CCT3: variants seen among roughly 807,000 people sequenced by gnomAD.
CCT3 encodes the protein chaperonin containing TCP1 subunit 3, also known as T-complex protein 1 subunit gamma.
CCT3 carries 10 observed loss-of-function variants against 65.3 expected under a neutral mutation model. That is an observed-to-expected ratio of 0.15 (90% CI 0.09 to 0.26). The LOEUF (loss-of-function observed/expected upper bound fraction) is 0.26. Among genes scored for constraint, CCT3 ranks in the 10% least tolerant of loss-of-function variants. CCT3 has a pLI of 1.00. For synonymous variants in CCT3, 225 were observed against 242.3 expected (o/e 0.93, Z 0.66); for missense variants, 626 against 708.7 (o/e 0.88, Z 1.33).
chr1:156,312,711 A>AC (rs1664135356), intron 10 of CCT3, among the ~76,000 whole-genome samples: 1 of 152,168 alleles, frequency 6.6e-6, no homozygotes, highest in African/African-American at 2.4e-5. Context: ...AACTGAAGCC[A>AC]TCATTGCAGT....
chr1:156,310,780 G>A, intron 12 of CCT3, 91 bp from the exon 13 acceptor site: 3 of 1,486,974 alleles, frequency 2.0e-6, no homozygotes, highest in Non-Finnish European at 2.8e-6. Flanking sequence ...CAGTATGGAA[G>A]GGACAGGGAA....
Position 156,321,015 on chromosome 1 carries a change from C to T in CCT3, c.433G>A (p.Asp145Asn), listed in dbSNP as rs753353685. 12 of 1,612,236 alleles carry T rather than the reference C, an allele frequency of 7.4e-6. No homozygotes were observed. The highest frequency in any genetic ancestry group is 1.6e-4 in the Middle Eastern group (1 of 6,080). The change falls in exon 7 of 14, where the codon GAC (aspartate) becomes AAC (asparagine). Residue 145 changes from aspartate (D) to asparagine (N), a missense_variant. Transcript: ENST00000295688. ...STLKKISIPV[D>N]ISDSDMMLNI... Reference sequence around the variant, plus strand: ...AGCATCATATCACTGTCACTGATGTCGACTGGGATACTAGAGAAAAGAAAA... The same window carrying T: ...AGCATCATATCACTGTCACTGATGTTGACTGGGATACTAGAGAAAAGAAAA...
chr1:156,315,907 T>C (rs1161467234), intron 10 of CCT3, among the ~76,000 whole-genome samples: 1 of 152,130 alleles, frequency 6.6e-6, no homozygotes. Flanking sequence ...AATTAACATG[T>C]CTATACTATA....
Position 156,334,703 on chromosome 1 carries a change from C to T in CCT3, c.207+10G>A. 6.2e-7 allele frequency: 1 copy of T among 1,613,080 alleles called. No individual in the cohort carries two copies. The highest frequency in any genetic ancestry group is 2.2e-5 in the East Asian group (1 of 44,838). ...GAAAGCAAAAAAACAAAACCAAAAACAAAACACACCTCTCGAAGAATGGCA... is the reference window on the plus strand; with the variant it reads ...GAAAGCAAAAAAACAAAACCAAAAATAAAACACACCTCTCGAAGAATGGCA... On this transcript the variant is annotated intron_variant, in intron 4 of 13. Transcript: ENST00000295688.
At chr1:156,320,621 C>G (rs529229793) in intron 7 of CCT3, among the ~76,000 whole-genome samples, 1 of 151,972 alleles carries the variant, frequency 6.6e-6, no homozygotes, top group African/African-American at 2.4e-5. Context: ...TGGCATGTGC[C>G]TGTAGTCCTA....
chr1:156,325,193 C>T, intron 5 of CCT3, 104 bp from the exon 6 acceptor site: 2 of 822,722 alleles, frequency 2.4e-6, no homozygotes, highest in South Asian at 2.9e-5. Flanking sequence ...CAGACTCTCC[C>T]AAAAGGTATG....
rs957302689 is a variant in CCT3, at chr1:156,310,685, T to C, written c.1406A>G (p.Lys469Arg). The C allele has an allele frequency of 4.3e-6, 7 of 1,612,552 alleles. No individual in the cohort carries two copies. The highest frequency in any genetic ancestry group is 1.3e-5 in the African/African-American group (1 of 74,798). Residue 469 changes from lysine (K) to arginine (R), a missense_variant, in exon 13 of 14, where the codon AAG becomes AGG. Coordinates refer to ENST00000295688, the MANE Select transcript of CCT3 (RefSeq NM_005998.5). ...GGTCTCACAGTTCTCCTGGGTGTGCTTGGCCTGCAATTGAAGCAAGAAGTA... is the reference window on the plus strand; with the variant it reads ...GGTCTCACAGTTCTCCTGGGTGTGCCTGGCCTGCAATTGAAGCAAGAAGTA... ...TIRLLTSLRAKHTQENCETWG... is the reference protein window; with the variant it reads ...TIRLLTSLRARHTQENCETWG...
At chr1:156,316,107 G>A (rs1401566409) in intron 10 of CCT3, among the ~76,000 whole-genome samples, 1 of 151,390 alleles carries the variant, frequency 6.6e-6, no homozygotes, top group African/African-American at 2.4e-5. Flanking sequence ...TAACATGGCA[G>A]GGGGGGTGGG....
intron 4 of CCT3, 33 bp downstream of exon 4, chr1:156,334,680 A>G: frequency 1.2e-6 from 2 of 1,605,548 alleles, no homozygotes; most frequent in Non-Finnish European, 8.5e-7. Flanking sequence ...AACTGTCAGA[A>G]AGCAAAAAAA....
At chr1:156,315,997 T>C (rs954518659) in intron 10 of CCT3, among the ~76,000 whole-genome samples, 4 of 151,064 alleles carry the variant, frequency 2.6e-5, no homozygotes, top group Admixed American at 6.6e-5. Flanking sequence ...GTACCAAAGA[T>C]GCAAAGGTCA....
Position 156,325,396 on chromosome 1 carries a change from A to G in CCT3, c.305-307T>C, listed in dbSNP as rs909565356. Among the ~76,000 whole-genome samples, 42 of 152,056 alleles carry G rather than the reference A, an allele frequency of 2.8e-4. 1 individual carries two copies. The highest frequency in any genetic ancestry group is 2.0e-4 in the Admixed American group (3 of 15,246). ...TTAAAATTTAGCTTAGTGTGGTGGT[A>G]TGAGCCTGCAGTCCCAGCTACTCAG... On this transcript the variant is annotated intron_variant, in intron 5 of 13. Coordinates refer to ENST00000295688, the MANE Select transcript of CCT3 (RefSeq NM_005998.5).
intron 11 of CCT3, 39 bp from the exon 12 acceptor site, chr1:156,311,234 A>G: frequency 3.8e-6 from 6 of 1,590,220 alleles, no homozygotes; most frequent in Non-Finnish European, 5.1e-6. Context: ...CCAAAGCTTG[A>G]TGACTCATAA....
rs562549286 is a variant in CCT3, at chr1:156,316,311, C to A, written c.974+855G>T. On this transcript the variant is annotated intron_variant, in intron 10 of 13. Transcript: ENST00000295688. ...CCATTTTATATAAGGGTTAAGCATC[C>A]ACAAACTTTAGTATTCAAGGGGGCG... is the stretch of plus-strand genomic sequence containing the variant. 5.3e-5 allele frequency among the ~76,000 whole-genome samples: 8 copies of A among 152,064 alleles called. No individual in the cohort carries two copies. In the South Asian group the frequency reaches 1.7e-3, roughly 32 times the overall value.
At chr1:156,325,482 C>T (rs1403822528) in intron 5 of CCT3, among the ~76,000 whole-genome samples, 5 of 151,940 alleles carry the variant, frequency 3.3e-5, no homozygotes, top group African/African-American at 7.3e-5. Context: ...GAGCCATGAC[C>T]GCACCATTGC....
chr1:156,321,993 C>T (rs1283714943), intron 6 of CCT3, among the ~76,000 whole-genome samples: 1 of 152,200 alleles, frequency 6.6e-6, no homozygotes, highest in East Asian at 1.9e-4. Context: ...CCATGCTTCA[C>T]GCCTGTAAAC....
intron 5 of CCT3, 198 bp downstream of exon 5, chr1:156,333,349 T>C (rs1025756267): frequency 7.1e-5 from 38 of 538,438 alleles, no homozygotes; most frequent in South Asian, 3.9e-4. Flanking sequence ...AATTAACTAT[T>C]AGTTTATCAG....
rs774502448 is a variant in CCT3 at position 156,310,651 on chromosome 1, T to G, written c.1440A>C (p.Val480=). 16 of 1,613,952 alleles carry G rather than the reference T, an allele frequency of 9.9e-6. No homozygotes were observed. The African/African-American group carries it at 2.1e-4, about 22-fold the overall frequency. ...HTQENCETWG[V]NGETGTLVDM... ...CCACCAAAGTACCCGTCTCACCATTTACACCCCAGGTCTCACAGTTCTCCT... is the reference window on the plus strand; with the variant it reads ...CCACCAAAGTACCCGTCTCACCATTGACACCCCAGGTCTCACAGTTCTCCT... The change falls in exon 13 of 14, where the codon GTA becomes GTC. Residue 480 remains valine, a synonymous_variant. Coordinates refer to ENST00000295688, the MANE Select transcript of CCT3 (RefSeq NM_005998.5).
In CCT3 at chr1:156,333,493, T is replaced by A. The variant is rs1665200256; in HGVS notation, c.304+54A>T. The A allele has an allele frequency of 3.2e-6, 4 of 1,236,234 alleles. No homozygotes were observed. In the South Asian group the frequency reaches 4.9e-5, roughly 15 times the overall value. The allele number at this position is 1,236,234 out of a possible 1,614,324, so 76.6% of individuals were successfully genotyped here. A position where few individuals can be genotyped will look rare whatever the true frequency, so the allele number is the denominator to read the frequency against. On this transcript the variant is annotated intron_variant, in intron 5 of 13. Transcript: ENST00000295688. ...GTAACAGAATTTCCTTCTTAAAATA[T>A]GACACAGGTGTTACTTCTAATTTTT...
At position 156,338,196 on chromosome 1, in the gene CCT3, G is replaced by A. The variant is rs545688218; in HGVS notation, c.-12C>T. 9.1e-5 allele frequency: 145 copies of A among 1,585,532 alleles called. No homozygotes were observed. Among genetic ancestry groups the A allele is most frequent in the Non-Finnish European group, 1.2e-4 (142 of 1,167,550 alleles). ...CGATGGCCCATCATGGCGACGCGAT[G>A]CAGAGCCGGGTACCCAGAGCTGGGG... is the stretch of plus-strand genomic sequence containing the variant. On this transcript the variant is annotated 5_prime_UTR_variant, in exon 1 of 14. Transcript: ENST00000295688.
Sources: allele counts gnomAD v4.1 joint callset (sites outside exome capture counted in the v4.1 genomes callset), GRCh38; gene constraint gnomAD v4.1.1; transcripts MANE v1.5; gene names NCBI Gene and HGNC (gene_info 2026-07-23, HGNC 2026-07-21).